Variants in MILR1 observed in about 807,000 individuals in gnomAD.
The protein encoded by MILR1 is allergin-1.
MILR1 carries 31 observed loss-of-function variants against 18.5 expected under a neutral mutation model. The observed-to-expected ratio is 1.68, with a 90% CI of 1.26 to 2.26. The LOEUF is 2.26. Ranked by LOEUF, MILR1 falls within the 30% of genes most tolerant of loss-of-function variation. MILR1 has a pLI of 0.00. For missense variants in MILR1, 257 were observed against 157.4 expected, an observed-to-expected ratio of 1.63 and a Z score of -3.38; for synonymous variants, 85 against 56.2, an observed-to-expected ratio of 1.51 and a Z score of -2.30.
At chr17:64,455,280 CTG>C (rs2037265724) in intron 3 of MILR1, among the ~76,000 whole-genome samples, 1 of 152,114 alleles carries the variant, frequency 6.6e-6, no homozygotes, top group African/African-American at 2.4e-5. Context: ...GATTATAAAA[CTG>C]TATCATCTTC....
intron 5 of MILR1, among the ~76,000 whole-genome samples, chr17:64,464,381 A>G (rs2037502411): frequency 1.3e-5 from 2 of 149,444 alleles, no homozygotes; most frequent in South Asian, 4.2e-4. Flanking sequence ...AAGTGCTGGG[A>G]TTACAGTTTT....
the MILR1 span, chr17:64,490,619 C>T: frequency 1.6e-6 from 1 of 624,652 alleles, no homozygotes; most frequent in South Asian, 1.8e-5. Flanking sequence ...TAGTGGATTA[C>T]TGTTAATTTC....
the MILR1 span, among the ~76,000 whole-genome samples, chr17:64,489,738 T>C: frequency 1.4e-4 from 21 of 150,994 alleles, no homozygotes; most frequent in Admixed American, 5.9e-4. Context: ...GCCTGAGTGA[T>C]AGAGTGAGAT....
the MILR1 span, among the ~76,000 whole-genome samples, chr17:64,494,129 C>T: frequency 6.6e-6 from 1 of 152,170 alleles, no homozygotes; most frequent in African/African-American, 2.4e-5. Flanking sequence ...GAATCTAGAA[C>T]ATTTCCCTTG....
At position 64,466,470 on chromosome 17, in the gene MILR1, C is replaced by T; in HGVS notation, c.882C>T (p.Ser294=). The T allele has an allele frequency of 3.1e-6, 5 of 1,613,760 alleles. No individual in the cohort carries two copies. Among genetic ancestry groups the T allele is most frequent in the Non-Finnish European group, 4.2e-6 (5 of 1,179,800 alleles). The change falls in exon 7 of 10, where the codon TCC becomes TCT. Residue 294 remains serine, a synonymous_variant. Transcript: ENST00000619286. ...AGGAATCTGTGCCAGAAGTGGGATC[C>T]AGGCCGTGTGTTTCCACAGCCCAAG... The part of the protein sequence containing the change: ...AKEESVPEVG[S]RPCVSTAQDE...
the MILR1 span, among the ~76,000 whole-genome samples, chr17:64,491,189 A>C: frequency 6.6e-6 from 1 of 152,134 alleles, no homozygotes; most frequent in Non-Finnish European, 1.5e-5. Flanking sequence ...GTGGCTAGTC[A>C]CAGGTACAAT....
the MILR1 span, among the ~76,000 whole-genome samples, chr17:64,496,143 A>G: frequency 1.3e-5 from 2 of 152,248 alleles, no homozygotes; most frequent in Non-Finnish European, 2.9e-5. Flanking sequence ...ACTAAATGAC[A>G]GCACTGTGTT....
At chr17:64,490,901 T>G in the MILR1 span, 1 of 1,613,854 alleles carries the variant, frequency 6.2e-7, no homozygotes, top group African/African-American at 1.3e-5. Context: ...TGTAGTAAAG[T>G]TTGTTTCCTT....
At chr17:64,490,843 C>T in the MILR1 span, 1 of 1,613,712 alleles carries the variant, frequency 6.2e-7, no homozygotes, top group East Asian at 2.2e-5. Context: ...AGTTCGTGAT[C>T]TCCTAGGTTC....
At chr17:64,459,752 G>T (rs1423749753) in intron 4 of MILR1, among the ~76,000 whole-genome samples, 1 of 152,170 alleles carries the variant, frequency 6.6e-6, no homozygotes, top group East Asian at 1.9e-4. Context: ...GCCTAACACA[G>T]TGTCTGGCCT....
At chr17:64,489,634 C>T in the MILR1 span, among the ~76,000 whole-genome samples, 21 of 152,196 alleles carry the variant, frequency 1.4e-4, 1 homozygote, top group African/African-American at 4.8e-4. Context: ...GTGATACATG[C>T]TTGTAGTCCT....
chr17:64,464,588 C>G (rs1434972197), intron 5 of MILR1, among the ~76,000 whole-genome samples: 1 of 151,998 alleles, frequency 6.6e-6, no homozygotes, highest in East Asian at 1.9e-4. Context: ...TATAAAAAGT[C>G]CAGGTTCTTG....
the MILR1 span, chr17:64,485,419 T>C: frequency 8.2e-6 from 3 of 364,958 alleles, no homozygotes; most frequent in Non-Finnish European, 1.5e-5. Flanking sequence ...GTACCAATGC[T>C]TCAGCTTCTG....
chr17:64,471,948 A>C (rs73993940), downstream of MILR1, among the ~76,000 whole-genome samples: 1,776 of 152,330 alleles, frequency 0.012, 32 homozygotes, highest in African/African-American at 0.041. Flanking sequence ...TGAGAATCAC[A>C]TTAAAAAAGT....
At chr17:64,462,282 G>A (rs1004549672) in intron 5 of MILR1, among the ~76,000 whole-genome samples, 3,975 of 151,944 alleles carry the variant, frequency 0.026, 75 homozygotes, top group Non-Finnish European at 0.041. Flanking sequence ...CTCCCACCTC[G>A]GCCTCCCACA....
downstream of MILR1, among the ~76,000 whole-genome samples, chr17:64,471,369 C>T (rs2037684989): frequency 6.6e-6 from 1 of 152,096 alleles, no homozygotes; most frequent in South Asian, 2.1e-4. Context: ...GTGTCCAACG[C>T]TCACTGGTTG....
At chr17:64,482,911 T>C in the MILR1 span, 1 of 1,476,582 alleles carries the variant, frequency 6.8e-7, no homozygotes, top group East Asian at 2.3e-5. Flanking sequence ...TAAACTCATT[T>C]AACTCACCTG....
intron 4 of MILR1, among the ~76,000 whole-genome samples, chr17:64,458,640 G>A (rs1268608917): frequency 6.6e-6 from 1 of 151,936 alleles, no homozygotes; most frequent in Non-Finnish European, 1.5e-5. Context: ...GCCAAGCCCT[G>A]TGTTTAGTGG....
chr17:64,465,578 G>T, intron 6 of MILR1, 37 bp downstream of exon 6: 1 of 1,570,596 alleles, frequency 6.4e-7, no homozygotes, highest in East Asian at 2.3e-5. Flanking sequence ...GGTGGTTTCA[G>T]GTTTTTGTCT....
Sources: allele counts gnomAD v4.1 joint callset (sites outside exome capture counted in the v4.1 genomes callset), GRCh38; gene constraint gnomAD v4.1.1; transcripts MANE v1.5; gene names NCBI Gene and HGNC (gene_info 2026-07-23, HGNC 2026-07-21).